Variants in RANBP2 observed in about 807,000 individuals in gnomAD.
The protein encoded by RANBP2 is E3 SUMO-protein ligase RanBP2.
RANBP2 carries 57 observed loss-of-function variants against 303.6 expected under a neutral mutation model. The observed-to-expected ratio is 0.19, with a 90% CI of 0.15 to 0.23. The LOEUF is 0.23. RANBP2 is among the 10% of genes least tolerant of loss of function. The pLI, the probability that RANBP2 is intolerant of heterozygous loss-of-function variation, is 1.00. For synonymous variants in RANBP2, 1,167 were observed against 1,301.5 expected (o/e 0.90, Z 2.23); for missense variants, 3,138 against 3,780.8 (o/e 0.83, Z 4.46).
chr2:109,283,381 G>A, the RANBP2 span, among the ~76,000 whole-genome samples: 27 of 152,286 alleles, frequency 1.8e-4, no homozygotes, highest in South Asian at 4.2e-4. Flanking sequence ...ACCTCACTGC[G>A]TTGAAATTGA....
chr2:109,419,139 C>T, the RANBP2 span, among the ~76,000 whole-genome samples: 15 of 152,182 alleles, frequency 9.9e-5, no homozygotes, highest in South Asian at 6.2e-4. Context: ...TCTCCAGTTC[C>T]TGGGGACGCT....
the RANBP2 span, chr2:109,614,651 G>T: frequency 1.0e-5 from 15 of 1,472,132 alleles, no homozygotes; most frequent in African/African-American, 4.4e-5. Flanking sequence ...GCGCCCGCGC[G>T]CACTTCAAGG....
chr2:108,953,444 T>C, the RANBP2 span, among the ~76,000 whole-genome samples: 2 of 152,128 alleles, frequency 1.3e-5, no homozygotes, highest in Non-Finnish European at 2.9e-5. Flanking sequence ...ACATCCTCTC[T>C]GCTTGGCCTC....
chr2:108,846,881 G>A, the RANBP2 span: 1 of 1,613,470 alleles, frequency 6.2e-7, no homozygotes, highest in South Asian at 1.1e-5. Context: ...GCTCCAATTT[G>A]CCATTGAGAT....
At chr2:109,517,840 C>T in the RANBP2 span, among the ~76,000 whole-genome samples, 1 of 152,210 alleles carries the variant, frequency 6.6e-6, no homozygotes. Flanking sequence ...AATGCCATCC[C>T]CAGGTGACTA....
the RANBP2 span, among the ~76,000 whole-genome samples, chr2:108,977,054 C>T: frequency 1.3e-5 from 2 of 152,144 alleles, no homozygotes; most frequent in Non-Finnish European, 2.9e-5. Context: ...AAAGAACAAG[C>T]TCTCATTTAG....
chr2:109,145,406 A>T, the RANBP2 span, among the ~76,000 whole-genome samples: 2 of 152,092 alleles, frequency 1.3e-5, no homozygotes, highest in East Asian at 1.9e-4. Context: ...CACTGTGTTC[A>T]TTCCTGCTGT....
chr2:108,964,928 T>C, the RANBP2 span, among the ~76,000 whole-genome samples: 1 of 152,238 alleles, frequency 6.6e-6, no homozygotes, highest in East Asian at 1.9e-4. Flanking sequence ...TCATTCATTC[T>C]AATTAAATCC....
At chr2:109,285,136 G>T in the RANBP2 span, among the ~76,000 whole-genome samples, 1 of 152,232 alleles carries the variant, frequency 6.6e-6, no homozygotes, top group African/African-American at 2.4e-5. Context: ...CTGGAGTAGG[G>T]GTGACAGTGA....
At chr2:108,870,206 A>T in the RANBP2 span, among the ~76,000 whole-genome samples, 1 of 152,258 alleles carries the variant, frequency 6.6e-6, no homozygotes, top group Admixed American at 6.5e-5. Context: ...TGGAAAATAC[A>T]GTAGCTGAAT....
At chr2:109,312,640 G>C in the RANBP2 span, among the ~76,000 whole-genome samples, 1 of 152,136 alleles carries the variant, frequency 6.6e-6, no homozygotes, top group Non-Finnish European at 1.5e-5. Context: ...ATGGCCCTTT[G>C]GTCTAGCTTC....
chr2:109,675,325 A>G, the RANBP2 span, among the ~76,000 whole-genome samples: 2 of 152,234 alleles, frequency 1.3e-5, no homozygotes, highest in Non-Finnish European at 2.9e-5. Context: ...CTGGTATACT[A>G]ACAGCACCAC....
chr2:109,314,559 A>G, the RANBP2 span, among the ~76,000 whole-genome samples: 10 of 152,150 alleles, frequency 6.6e-5, no homozygotes, highest in African/African-American at 2.4e-4. Context: ...ATACATTTTT[A>G]TTATTCCTGC....
chr2:109,199,847 T>A, the RANBP2 span, among the ~76,000 whole-genome samples: 136 of 46,078 alleles, frequency 3.0e-3, 1 homozygote, highest in East Asian at 5.0e-3. Flanking sequence ...TGGAATGGAA[T>A]GGAAATAACA....
At chr2:109,170,219 T>TTTCTC in the RANBP2 span, among the ~76,000 whole-genome samples, 63 of 148,288 alleles carry the variant, frequency 4.2e-4, no homozygotes, top group African/African-American at 1.5e-3. Context: ...CTCTCTCTTT[T>TTTCTC]TTCTCTTCTC....
chr2:109,109,193 A>G, the RANBP2 span, among the ~76,000 whole-genome samples: 1 of 152,264 alleles, frequency 6.6e-6, no homozygotes. Context: ...TGAGTGAATG[A>G]ATGAACCAAT....
At chr2:109,294,645 A>G in the RANBP2 span, among the ~76,000 whole-genome samples, 3 of 151,682 alleles carry the variant, frequency 2.0e-5, no homozygotes, top group African/African-American at 4.8e-5. Flanking sequence ...CCATCTGATC[A>G]TCATAGGCTT....
chr2:109,511,644 G>A, the RANBP2 span, among the ~76,000 whole-genome samples: 2 of 152,220 alleles, frequency 1.3e-5, no homozygotes, highest in African/African-American at 4.8e-5. Flanking sequence ...TGGGGTCAGG[G>A]GCAGGTTCTA....
the RANBP2 span, among the ~76,000 whole-genome samples, chr2:109,249,577 TTCC>T: frequency 0.012 from 1,537 of 132,986 alleles, 72 homozygotes; most frequent in African/African-American, 0.044. Flanking sequence ...CCTTCCTTCC[TTCC>T]TTCCTTTCCT....
Sources: allele counts gnomAD v4.1 joint callset (sites outside exome capture counted in the v4.1 genomes callset), GRCh38; gene constraint gnomAD v4.1.1; transcripts MANE v1.5; gene names NCBI Gene and HGNC (gene_info 2026-07-23, HGNC 2026-07-21).